The following MYBBP1A variants were observed in gnomAD, a reference collection of about 807,000 sequenced individuals.
MYBBP1A encodes myb-binding protein 1A.
MYBBP1A carries 147 observed loss-of-function variants against 136.3 expected under a neutral mutation model. The ratio of observed to expected loss-of-function variants is 1.08; its 90% CI spans 0.94 to 1.24. The LOEUF is 1.24. Ranked by LOEUF, MYBBP1A falls within the 50% of genes most tolerant of loss-of-function variation. The pLI is 0.00. For missense variants in MYBBP1A, 2,060 were observed against 1,727.4 expected, an observed-to-expected ratio of 1.19 and a Z score of -3.41; for synonymous variants, 947 against 735.8, an observed-to-expected ratio of 1.29 and a Z score of -4.65.
At chr17:4,545,473 G>A in intron 15 of MYBBP1A, 128 bp from the exon 16 acceptor site, 7 of 1,500,360 alleles carry the variant, frequency 4.7e-6, no homozygotes, top group Non-Finnish European at 6.3e-6. Flanking sequence ...GCCAGGCCAG[G>A]CCAAGGCCTC....
intron 19 of MYBBP1A, among the ~76,000 whole-genome samples, chr17:4,543,529 T>C (rs1383954815): frequency 6.6e-6 from 1 of 152,104 alleles, no homozygotes; most frequent in African/African-American, 2.4e-5. Context: ...GAACCCTCTG[T>C]GGCCCTGCAG....
intron 24 of MYBBP1A, among the ~76,000 whole-genome samples, 155 bp downstream of exon 24, chr17:4,541,293 GTTTGGTAACTGCCCA>G (rs1324963838): frequency 6.6e-6 from 1 of 152,244 alleles, no homozygotes; most frequent in Non-Finnish European, 1.5e-5. Flanking sequence ...CCCATCCATG[GTTTGGTAACTGCCCA>G]AATGGCAGCC....
intron 22 of MYBBP1A, 149 bp downstream of exon 22, chr17:4,542,315 C>T: frequency 1.1e-6 from 1 of 903,128 alleles, no homozygotes; most frequent in South Asian, 1.7e-5. Context: ...CTTCAGAGAC[C>T]ATGTACCCAC....
Position 4,540,169 on chromosome 17 carries a change from GT to G in MYBBP1A, c.3434+178del, listed in dbSNP as rs1906251581. 3.8e-5 allele frequency among the ~76,000 whole-genome samples: 5 copies of G among 130,376 alleles called. No individual in the cohort carries two copies. In the South Asian group the frequency reaches 1.1e-3, roughly 30 times the overall value. 85.5% of individuals were successfully genotyped at this position (130,376 alleles called of 152,430 possible). ...AGGGTCCTGCGAGGCTCCTGCGAGG[GT>G]CCTGTGAGGGTCCTACAGCTCCCAC... On this transcript the variant is annotated intron_variant, in intron 25 of 25. Transcript: ENST00000254718.
chr17:4,548,741 C>T lies in MYBBP1A; in HGVS notation c.1431-92G>A. ...GATGGTACCACCGAGGGTACAAGGC[C>T]AGGAGGAGGAGGAGCCGCCCTTCTG... On this transcript the variant is annotated intron_variant, in intron 10 of 25. Coordinates refer to ENST00000254718, the MANE Select transcript of MYBBP1A (RefSeq NM_014520.4). This position sits in a 1 kb window ranked among gnomAD's most constrained non-coding sequence, Gnocchi z 4.2. 6.4e-7 allele frequency: 1 copy of T among 1,555,704 alleles called. No individual in the cohort carries two copies. The highest frequency in any genetic ancestry group is 8.7e-7 in the Non-Finnish European group (1 of 1,144,176).
Position 4,545,172 on chromosome 17 carries a change from T to C in MYBBP1A, c.2164A>G (p.Lys722Glu), listed in dbSNP as rs1234887158. Reference protein sequence around the residue: ...DERRLKGAEDKSEEGEDNRSS... With the variant: ...DERRLKGAEDESEEGEDNRSS... ...CTGTTGTCCTCACCTTCCTCGCTCT[T>C]GTCCTGTGTGGTAGAGGCAGGCGCG... The change falls in exon 17 of 26, where the codon AAG (lysine) becomes GAG (glutamate). Residue 722 changes from lysine (K) to glutamate (E), a missense_variant. Physicochemically the swap from Lys to Glu is moderately conservative, Grantham distance 56. Transcript: ENST00000254718. 13 of 1,613,314 alleles carry C rather than the reference T, an allele frequency of 8.1e-6. No homozygotes were observed. The South Asian group carries it at 9.9e-5, about 12-fold the overall frequency.
Position 4,548,637 on chromosome 17 carries a change from G to A in MYBBP1A, c.1443C>T (p.Phe481=), listed in dbSNP as rs745794037. The A allele has an allele frequency of 6.2e-7, 1 of 1,614,168 alleles. No individual in the cohort carries two copies. The highest frequency in any genetic ancestry group is 8.5e-7 in the Non-Finnish European group (1 of 1,180,036). The part of the protein sequence containing the change: ...LTEQVARFCL[F]HSFFVTKKPT... ...GCTTCTTTGTGACAAAGAACGAGTG[G>A]AACAAACAAAACCTGGGGAGGGTGG... Residue 481 remains phenylalanine, a synonymous_variant, in exon 11 of 26, where the codon TTC becomes TTT. Transcript: ENST00000254718. This position sits in a 1 kb window ranked among gnomAD's most constrained non-coding sequence, Gnocchi z 4.2.
In MYBBP1A at chr17:4,550,160, T is replaced by C. The variant is rs576939725; in HGVS notation, c.1217A>G (p.Tyr406Cys). ...AAACATGGCCCGCAGCCAGGCCACA[T>C]AGCCCTGCAGGGCCGGAGGGCTCAG... is the stretch of plus-strand genomic sequence containing the variant. Reference protein sequence around the residue: ...RFLSPPALQGYVAWLRAMFLQ... With the variant: ...RFLSPPALQGCVAWLRAMFLQ... Residue 406 changes from tyrosine to cysteine, a missense_variant, in exon 9 of 26, where the codon TAT (tyrosine) becomes TGT (cysteine). Tyr to Cys is a radical substitution (Grantham distance 194, BLOSUM62 -2). Coordinates refer to ENST00000254718, the MANE Select transcript of MYBBP1A (RefSeq NM_014520.4). The C allele has an allele frequency of 2.5e-6, 4 of 1,613,964 alleles. No homozygotes were observed. Among genetic ancestry groups the C allele is most frequent in the Non-Finnish European group, 3.4e-6 (4 of 1,180,022 alleles).
In MYBBP1A at chr17:4,545,759, G is replaced by A. The variant is rs1462458933; in HGVS notation, c.1924C>T (p.Pro642Ser). The A allele has an allele frequency of 6.2e-7, 1 of 1,606,106 alleles. No individual in the cohort carries two copies. The highest frequency in any genetic ancestry group is 8.5e-7 in the Non-Finnish European group (1 of 1,175,142). Residue 642 changes from proline (P) to serine (S), a missense_variant and splice_region_variant, in exon 15 of 26, where the codon CCC (proline) becomes TCC (serine). Coordinates refer to ENST00000254718, the MANE Select transcript of MYBBP1A (RefSeq NM_014520.4). ...ACCTCTACCCACGGGGGTTCCTGGG[G>A]GTCTGCAAGAGGGAGGGGTTGAGCC... ...PRRSRTKTID[P>S]QEPPWVEVLV...
chr17:4,541,382 G>A (rs912857601), intron 24 of MYBBP1A, 81 bp downstream of exon 24: 26 of 1,245,936 alleles, frequency 2.1e-5, no homozygotes, highest in Middle Eastern at 1.9e-4. Context: ...AGTCCAGCCC[G>A]GGCATGGCAC....
At chr17:4,553,411 C>A (rs1407175348) in intron 5 of MYBBP1A, among the ~76,000 whole-genome samples, 1 of 152,242 alleles carries the variant, frequency 6.6e-6, no homozygotes, top group African/African-American at 2.4e-5. Context: ...ACGTGCCAGG[C>A]ACAGTTCCAG....
In MYBBP1A at chr17:4,542,596, G is replaced by A; in HGVS notation, c.3018+20C>T. ...GCTGAGCAGGGACCATGAGGAAGCA[G>A]GGCAGGCCCCAACACTCACCGGGTG... On this transcript the variant is annotated intron_variant, in intron 21 of 25. Transcript: ENST00000254718. 6.2e-7 allele frequency: 1 copy of A among 1,613,740 alleles called. No individual in the cohort carries two copies. Among genetic ancestry groups the A allele is most frequent in the African/African-American group, 1.3e-5 (1 of 75,032 alleles).
At position 4,555,158 on chromosome 17, in the gene MYBBP1A, T is replaced by C; in HGVS notation, c.167A>G (p.Lys56Arg). The change falls in exon 1 of 26, where the codon AAG becomes AGG. Residue 56 changes from lysine (K) to arginine (R), a missense_variant. Coordinates refer to ENST00000254718, the MANE Select transcript of MYBBP1A (RefSeq NM_014520.4). ...CCTGCCACGCAGATACTCCAGCAGC[T>C]TCTCCGTGGCCGCAAGTCGCGTCTC... Reference protein sequence around the residue: ...EQETRLAATEKLLEYLRGRPK... With the variant: ...EQETRLAATERLLEYLRGRPK... 6.2e-7 allele frequency: 1 copy of C among 1,601,530 alleles called. No individual in the cohort carries two copies.
chr17:4,554,141 A>G (rs1907799237), intron 3 of MYBBP1A, 48 bp from the exon 4 acceptor site: 1 of 1,613,238 alleles, frequency 6.2e-7, no homozygotes, highest in Non-Finnish European at 8.5e-7. Context: ...GGAACTCCCC[A>G]TTCCCCAAGC....
chr17:4,550,986 C>T (rs1907460892), intron 8 of MYBBP1A, among the ~76,000 whole-genome samples: 1 of 152,258 alleles, frequency 6.6e-6, no homozygotes, highest in Admixed American at 6.5e-5. Context: ...TCCGGCTTCA[C>T]AGCCCAAGCT....
chr17:4,548,199 G>T lies in MYBBP1A; in HGVS notation c.1668C>A (p.Ser556Arg). ...VQFADLLLNHSHNVTTVTPFT... is the reference protein window; with the variant it reads ...VQFADLLLNHRHNVTTVTPFT... ...AGGGTGTCACGGTGGTCACGTTGTG[G>T]CTGTGATTCAACAGGAGGTCTGCGA... The change falls in exon 12 of 26, where the codon AGC becomes AGA. Residue 556 changes from serine (S) to arginine (R), a missense_variant. Coordinates refer to ENST00000254718, the MANE Select transcript of MYBBP1A (RefSeq NM_014520.4). This position sits in a 1 kb window ranked among gnomAD's most constrained non-coding sequence, Gnocchi z 4.2. 6.2e-7 allele frequency: 1 copy of T among 1,607,840 alleles called. No individual in the cohort carries two copies.
rs777209262 is a variant in MYBBP1A at position 4,554,918 on chromosome 17, C to G, written c.237G>C (p.Thr79=). The part of the protein sequence containing the change: ...EMKYALKRLI[T]GLGVGRETAR... ...CTGTTTCTCGCCCGACCCCGAGTCC[C>G]GTGATTAGACGCTTCAGGGCATATT... is the stretch of plus-strand genomic sequence containing the variant. The change falls in exon 2 of 26, where the codon ACG becomes ACC. Residue 79 remains threonine, a synonymous_variant. Coordinates refer to ENST00000254718, the MANE Select transcript of MYBBP1A (RefSeq NM_014520.4). 2.5e-6 allele frequency: 4 copies of G among 1,613,452 alleles called. No homozygotes were observed. Among genetic ancestry groups the G allele is most frequent in the East Asian group, 4.5e-5 (2 of 44,896 alleles).
Position 4,552,219 on chromosome 17 carries a change from G to T in MYBBP1A, c.811C>A (p.Leu271Met), listed in dbSNP as rs767519717. Residue 271 changes from leucine to methionine, a missense_variant, in exon 7 of 26, where the codon CTG becomes ATG. By Grantham distance (15) the Leu-to-Met change is conservative. Transcript: ENST00000254718. This position sits in a 1 kb window ranked among gnomAD's most constrained non-coding sequence, Gnocchi z 4.7. ...TCTTCCTTGAGTGCCAGGCGGAGCA[G>T]GTCCAGAGCAATGGCGGGCAGCTTG... is the stretch of plus-strand genomic sequence containing the variant. The part of the protein sequence containing the change: ...DRKLPAIALD[L>M]LRLALKEDKF... 4 of 1,614,098 alleles carry T rather than the reference G, an allele frequency of 2.5e-6. No homozygotes were observed. The highest frequency in any genetic ancestry group is 3.4e-6 in the Non-Finnish European group (4 of 1,180,050).
intron 24 of MYBBP1A, 44 bp downstream of exon 24, chr17:4,541,419 C>CA (rs769336814): frequency 1.9e-6 from 3 of 1,569,866 alleles, no homozygotes. Flanking sequence ...CCAAGGCCCC[C>CA]AAGAGGAACC....
Sources: allele counts gnomAD v4.1 joint callset (sites outside exome capture counted in the v4.1 genomes callset), GRCh38; gene constraint gnomAD v4.1.1; non-coding constraint Gnocchi (gnomAD v3.1); transcripts MANE v1.5; gene names NCBI Gene and HGNC (gene_info 2026-07-23, HGNC 2026-07-21).